UNC13B: variants seen among roughly 807,000 people sequenced by gnomAD.
UNC13B encodes protein unc-13 homolog B.
In UNC13B, 144 loss-of-function variants were observed where a neutral mutation model predicts 211.0. That is an observed-to-expected ratio of 0.68 (90% CI 0.60 to 0.78). The LOEUF (loss-of-function observed/expected upper bound fraction) is 0.78, where lower values mean the gene tolerates loss of function less well. Among genes scored for constraint, UNC13B ranks in the 30% least tolerant of loss-of-function variants. The probability of loss-of-function intolerance (pLI) is 0.00; values close to 1 mark genes in which losing one functional copy is unlikely to be tolerated. For synonymous variants in UNC13B, 709 were observed against 725.8 expected (o/e 0.98, Z 0.37); for missense variants, 1,777 against 2,002.0 (o/e 0.89, Z 2.14).
chr9:35,348,086 AAAAACAAAAC>A (rs761540128), intron 11 of UNC13B, among the ~76,000 whole-genome samples: 1 of 152,224 alleles, frequency 6.6e-6, no homozygotes, highest in Non-Finnish European at 1.5e-5. Context: ...AAACAAAAAC[AAAAACAAAAC>A]AAAACAAAAC....
At chr9:35,311,273 G>A (rs1302500160) in intron 10 of UNC13B, among the ~76,000 whole-genome samples, 3 of 152,210 alleles carry the variant, frequency 2.0e-5, no homozygotes, top group South Asian at 2.1e-4. Flanking sequence ...CACCCAGCCA[G>A]CACTTGGGTT....
At chr9:35,398,772 C>T (rs1001108379) in intron 32 of UNC13B, 110 bp from the exon 33 acceptor site, 21 of 1,564,970 alleles carry the variant, frequency 1.3e-5, no homozygotes, top group Non-Finnish European at 1.8e-5. Flanking sequence ...CTGACTGTCC[C>T]TGCTGGAAAT....
At chr9:35,294,361 C>T (rs979673180) in intron 7 of UNC13B, among the ~76,000 whole-genome samples, 4 of 151,768 alleles carry the variant, frequency 2.6e-5, no homozygotes, top group Non-Finnish European at 4.4e-5. Flanking sequence ...GGCTGGAATG[C>T]AATGGCATGA....
At chr9:35,323,435 C>G (rs1830843070) in intron 11 of UNC13B, among the ~76,000 whole-genome samples, 1 of 152,152 alleles carries the variant, frequency 6.6e-6, no homozygotes, top group Admixed American at 6.6e-5. Context: ...AGCCTGAATA[C>G]TTCAAGACTT....
intron 11 of UNC13B, among the ~76,000 whole-genome samples, chr9:35,362,281 G>C (rs4879891): frequency 0.081 from 12,303 of 152,238 alleles, 655 homozygotes; most frequent in East Asian, 0.3. Flanking sequence ...CCATTGTCTG[G>C]CTGGGGACAG....
At chr9:35,259,074 A>C (rs769515494) in intron 7 of UNC13B, 24 bp downstream of exon 7, 36 of 1,612,092 alleles carry the variant, frequency 2.2e-5, no homozygotes, top group Non-Finnish European at 3.0e-5. Flanking sequence ...TTGTCTATGA[A>C]TCTCTTTTAA....
chr9:35,184,474 G>A (rs1279224832), intron 1 of UNC13B, among the ~76,000 whole-genome samples: 2 of 152,196 alleles, frequency 1.3e-5, no homozygotes, highest in African/African-American at 4.8e-5. Context: ...CCGGGAGGCC[G>A]AGGCGGGCAG....
At chr9:35,177,332 A>C (rs1351154582) in intron 1 of UNC13B, among the ~76,000 whole-genome samples, 1 of 152,158 alleles carries the variant, frequency 6.6e-6, no homozygotes, top group African/African-American at 2.4e-5. Flanking sequence ...AGGCAACATA[A>C]GGTGGAAAGT....
rs1394332504 is a variant in UNC13B at position 35,194,581 on chromosome 9, C to CT, written c.22+32279dup. 2.6e-5 allele frequency among the ~76,000 whole-genome samples: 4 copies of CT among 152,324 alleles called. No individual in the cohort carries two copies. In the East Asian group the frequency reaches 7.7e-4, roughly 29 times the overall value. On this transcript the variant is annotated intron_variant, in intron 1 of 39. Transcript: ENST00000635942. Reference sequence around the variant, plus strand: ...TTCCCAGTAAATCTCACATCTGAGTCTTTAAGAATGGCAGCCACGCTAACC... The same window carrying CT: ...TTCCCAGTAAATCTCACATCTGAGTCTTTTAAGAATGGCAGCCACGCTAACC...
At chr9:35,363,402 T>TG (rs958485104) in intron 11 of UNC13B, among the ~76,000 whole-genome samples, 6 of 152,104 alleles carry the variant, frequency 3.9e-5, no homozygotes, top group South Asian at 2.1e-4. Flanking sequence ...CACATTATCC[T>TG]GGGGGGGTTG....
chr9:35,183,167 G>A (rs1360091471), intron 1 of UNC13B, among the ~76,000 whole-genome samples: 3 of 147,212 alleles, frequency 2.0e-5, no homozygotes, highest in African/African-American at 5.0e-5. Flanking sequence ...CCCAGATGGG[G>A]CGGCCGGGCA....
chr9:35,349,069 C>G (rs1160997845), intron 11 of UNC13B, among the ~76,000 whole-genome samples: 2 of 152,082 alleles, frequency 1.3e-5, no homozygotes, highest in Non-Finnish European at 2.9e-5. Flanking sequence ...AGGCACCTGC[C>G]ATCACTCCCA....
At chr9:35,313,508 C>T (rs1433833241) in intron 10 of UNC13B, among the ~76,000 whole-genome samples, 1 of 151,786 alleles carries the variant, frequency 6.6e-6, no homozygotes, top group African/African-American at 2.4e-5. Flanking sequence ...ACCTGTAGTC[C>T]CAGCTATTTG....
chr9:35,281,094 C>CA (rs1444689308), intron 7 of UNC13B, among the ~76,000 whole-genome samples: 1 of 151,748 alleles, frequency 6.6e-6, no homozygotes, highest in Non-Finnish European at 1.5e-5. Context: ...CTAAAAAATA[C>CA]AAAAAATTAG....
chr9:35,386,047 A>G (rs533904872), intron 23 of UNC13B, 118 bp from the exon 24 acceptor site: 63 of 1,503,372 alleles, frequency 4.2e-5, no homozygotes, highest in South Asian at 3.0e-4. Context: ...TCACAGGGAA[A>G]AGTCTAGGGA....
chr9:35,396,661 T>C, intron 27 of UNC13B, 59 bp downstream of exon 27: 1 of 1,608,112 alleles, frequency 6.2e-7, no homozygotes, highest in Non-Finnish European at 8.5e-7. Context: ...GCAGGGCTAG[T>C]ATCCCCAATT....
In UNC13B at chr9:35,386,127, C is replaced by T. The variant is rs752000; in HGVS notation, c.10966-38C>T. ...TAGGAGAATATCCCACCCAGGTGAG[C>T]AGGTCCTTGGGCCCATATTTCTTCT... is the stretch of plus-strand genomic sequence containing the variant. On this transcript the variant is annotated intron_variant, in intron 23 of 39. Transcript: ENST00000635942. 6.2e-6 allele frequency: 10 copies of T among 1,612,754 alleles called. No individual in the cohort carries two copies. The Admixed American group carries it at 6.7e-5, about 11-fold the overall frequency.
intron 1 of UNC13B, among the ~76,000 whole-genome samples, chr9:35,198,532 C>T (rs1265750639): frequency 6.6e-6 from 1 of 152,052 alleles, no homozygotes; most frequent in Non-Finnish European, 1.5e-5. Flanking sequence ...CAGACTAATA[C>T]AGAAAATTGG....
At chr9:35,190,566 A>G (rs1268266288) in intron 1 of UNC13B, among the ~76,000 whole-genome samples, 1 of 151,980 alleles carries the variant, frequency 6.6e-6, no homozygotes, top group Non-Finnish European at 1.5e-5. Flanking sequence ...CTCCCCCAAA[A>G]CAGGGTCTGT....
Sources: gnomAD v4.1 joint callset for allele counts (sites outside exome capture counted in the v4.1 genomes callset) on GRCh38, gnomAD v4.1.1 for gene constraint, MANE v1.5 for transcripts, NCBI Gene and HGNC (gene_info 2026-07-23, HGNC 2026-07-21) for gene names.